SYNPR: variants seen among roughly 807,000 people sequenced by gnomAD.
SYNPR encodes synaptoporin.
SYNPR carries 23 observed loss-of-function variants against 32.9 expected under a neutral mutation model. The ratio of observed to expected loss-of-function variants is 0.70; its 90% CI spans 0.50 to 0.99. The LOEUF (loss-of-function observed/expected upper bound fraction) is 0.99. Among genes scored for constraint, SYNPR ranks in the 50% least tolerant of loss-of-function variants. The pLI is 0.00. For missense variants in SYNPR, 318 were observed against 349.3 expected (o/e 0.91, Z 0.71); for synonymous variants, 146 against 135.9 (o/e 1.07, Z -0.52).
At chr3:63,338,868 T>C (rs2087328190) in intron 2 of SYNPR, among the ~76,000 whole-genome samples, 2 of 152,236 alleles carry the variant, frequency 1.3e-5, no homozygotes, top group South Asian at 4.1e-4. Context: ...GTTTACCTTG[T>C]CTCCTTCAAC....
chr3:63,406,714 A>T (rs2088365245), intron 2 of SYNPR, among the ~76,000 whole-genome samples: 1 of 152,186 alleles, frequency 6.6e-6, no homozygotes, highest in African/African-American at 2.4e-5. Flanking sequence ...AAGCTGAGCA[A>T]TCTTACAACG....
exon 1 of SYNPR, chr3:63,228,376 G>A (rs750637185): frequency 1.3e-5 from 2 of 152,160 alleles, no homozygotes; most frequent in Non-Finnish European, 2.9e-5. Flanking sequence ...TTCTTACTCA[G>A]GCAGGTAAGG....
At chr3:63,379,857 G>T (rs774326568) in intron 2 of SYNPR, among the ~76,000 whole-genome samples, 1 of 151,800 alleles carries the variant, frequency 6.6e-6, no homozygotes, top group Non-Finnish European at 1.5e-5. Flanking sequence ...CCCACAAAAG[G>T]CCCCGGTGTG....
At chr3:63,594,258 A>T (rs1699894875) in intron 4 of SYNPR, among the ~76,000 whole-genome samples, 1 of 152,112 alleles carries the variant, frequency 6.6e-6, no homozygotes, top group Non-Finnish European at 1.5e-5. Context: ...CTATGTTGCA[A>T]CCAAAGTTTA....
At position 63,600,596 on chromosome 3, in the gene SYNPR, G is replaced by A. The variant is rs773560966; in HGVS notation, c.409-8529G>A. ...CATGTGTCAAGGACAGGACCAGATG[G>A]AGGTAATTGGATCATGGGGGCAGTT... is the stretch of plus-strand genomic sequence containing the variant. On this transcript the variant is annotated intron_variant, in intron 4 of 5. Coordinates refer to ENST00000478300, the MANE Select transcript of SYNPR (RefSeq NM_001130003.2). Among the ~76,000 whole-genome samples, 144 of 152,208 alleles carry A rather than the reference G, an allele frequency of 9.5e-4. 3 individuals carry two copies. Among genetic ancestry groups the A allele is most frequent in the Non-Finnish European group, 1.0e-3 (69 of 68,042 alleles).
chr3:63,449,952 C>T (rs1342531973), intron 2 of SYNPR, among the ~76,000 whole-genome samples: 1 of 147,584 alleles, frequency 6.8e-6, no homozygotes, highest in Non-Finnish European at 1.5e-5. Flanking sequence ...CCTGGATTCA[C>T]ACTCACATGT....
intron 4 of SYNPR, among the ~76,000 whole-genome samples, chr3:63,601,268 C>T (rs1700037308): frequency 7.0e-6 from 1 of 142,088 alleles, no homozygotes; most frequent in African/African-American, 2.6e-5. Flanking sequence ...AGCAAAACGC[C>T]ATCTCAAAAA....
At chr3:63,356,769 C>G (rs1385958142) in intron 2 of SYNPR, among the ~76,000 whole-genome samples, 2 of 152,184 alleles carry the variant, frequency 1.3e-5, no homozygotes, top group Non-Finnish European at 2.9e-5. Flanking sequence ...ACATATTTCC[C>G]TGACACAAAC....
rs551080432 is a variant in SYNPR at position 63,537,999 on chromosome 3, A to G, written c.210-18544A>G. ...AATCATGAATCTATTGCCATAGGAC[A>G]TACAGCCTCTGGTGGATAAATTTAA... is the stretch of plus-strand genomic sequence containing the variant. On this transcript the variant is annotated intron_variant, in intron 3 of 5. Transcript: ENST00000478300. 1.3e-3 allele frequency among the ~76,000 whole-genome samples: 200 copies of G among 152,264 alleles called. 1 individual carries two copies. Among genetic ancestry groups the G allele is most frequent in the African/African-American group, 4.5e-3 (188 of 41,574 alleles).
chr3:63,541,311 C>T (rs886967097), intron 3 of SYNPR, among the ~76,000 whole-genome samples: 4 of 151,804 alleles, frequency 2.6e-5, no homozygotes. Flanking sequence ...AGAAGACATT[C>T]CTCTAATTGC....
intron 2 of SYNPR, among the ~76,000 whole-genome samples, chr3:63,384,028 C>T (rs1414515856): frequency 2.0e-5 from 3 of 152,206 alleles, no homozygotes; most frequent in Non-Finnish European, 2.9e-5. Flanking sequence ...CATCTAATGA[C>T]ATCTCTGTAT....
intron 2 of SYNPR, chr3:63,452,001 C>T (rs1700387413): frequency 1.5e-6 from 1 of 678,488 alleles, no homozygotes; most frequent in Admixed American, 2.2e-5. Context: ...AGACACCCTC[C>T]TTTCTTCCTC....
At chr3:63,203,068 G>GTGTGTATATATATATATATATATA in the SYNPR span, 33 of 108,520 alleles carry the variant, frequency 3.0e-4, no homozygotes, top group East Asian at 1.4e-3. Context: ...ATATGTATGT[G>GTGTGTATATATATATATATATATA]TATATATATA....
chr3:63,412,723 G>T (rs1454353337), intron 2 of SYNPR, among the ~76,000 whole-genome samples: 1 of 152,142 alleles, frequency 6.6e-6, no homozygotes, highest in Non-Finnish European at 1.5e-5. Flanking sequence ...TGAAGGAAGA[G>T]AGTTGGAAAC....
chr3:63,455,101 G>A (rs376263146), intron 2 of SYNPR, among the ~76,000 whole-genome samples: 1 of 151,928 alleles, frequency 6.6e-6, no homozygotes, highest in Admixed American at 6.6e-5. Context: ...CTAATTTGAC[G>A]TTATAGTTTA....
intron 4 of SYNPR, among the ~76,000 whole-genome samples, chr3:63,600,197 T>A (rs1700018624): frequency 6.6e-6 from 1 of 152,202 alleles, no homozygotes; most frequent in South Asian, 2.1e-4. Flanking sequence ...TGGTAAGCAC[T>A]TAGCAGAGTG....
chr3:63,511,090 T>C (rs1280984409), intron 3 of SYNPR, among the ~76,000 whole-genome samples: 1 of 151,956 alleles, frequency 6.6e-6, no homozygotes, highest in African/African-American at 2.4e-5. Context: ...ATCTGGGTAG[T>C]TAATAAGGTT....
At chr3:63,331,746 A>C (rs897443240) in intron 2 of SYNPR, among the ~76,000 whole-genome samples, 1 of 152,198 alleles carries the variant, frequency 6.6e-6, no homozygotes, top group African/African-American at 2.4e-5. Flanking sequence ...TTTCTTTATG[A>C]GGAAATTGAA....
intron 2 of SYNPR, among the ~76,000 whole-genome samples, chr3:63,430,224 C>A (rs1208268491): frequency 6.6e-6 from 1 of 152,172 alleles, no homozygotes; most frequent in Non-Finnish European, 1.5e-5. Context: ...TATTCCATAA[C>A]CTTATTTTGT....
Sources: gnomAD v4.1 joint callset for allele counts (sites outside exome capture counted in the v4.1 genomes callset) on GRCh38, gnomAD v4.1.1 for gene constraint, MANE v1.5 for transcripts, NCBI Gene and HGNC (gene_info 2026-07-23, HGNC 2026-07-21) for gene names.